The following SIK3 variants were observed in gnomAD, a reference collection of about 807,000 sequenced individuals.
SIK3 encodes the protein SIK family kinase 3, also known as serine/threonine-protein kinase SIK3.
Under a neutral mutation model 144.2 loss-of-function variants are expected in SIK3, and 28 were observed. That is an observed-to-expected ratio of 0.19 (90% CI 0.14 to 0.27). SIK3 has a LOEUF of 0.27. Ranked by LOEUF, SIK3 falls within the 10% of genes least tolerant of loss-of-function variation. The pLI, the probability that SIK3 is intolerant of heterozygous loss-of-function variation, is 1.00. For synonymous variants in SIK3, 686 were observed against 676.3 expected, an observed-to-expected ratio of 1.01 and a Z score of -0.22; for missense variants, 1,319 against 1,776.0, an observed-to-expected ratio of 0.74 and a Z score of 4.62.
In SIK3 at chr11:116,881,683, A is replaced by G. The variant is rs116325560; in HGVS notation, c.866-4641T>C. Among the ~76,000 whole-genome samples, 653 of 152,282 alleles carry G rather than the reference A, an allele frequency of 4.3e-3. 11 individuals are homozygous for G. The highest frequency in any genetic ancestry group is 0.014 in the African/African-American group (593 of 41,550). On this transcript the variant is annotated intron_variant, in intron 6 of 24. Coordinates refer to ENST00000445177, the MANE Select transcript of SIK3 (RefSeq NM_001366686.3). Reference sequence around the variant, plus strand: ...TAATGTCCCTTTGGCATACCAAGAGAGCAAAAATGAGAGAAAGATACATAG... The same window carrying G: ...TAATGTCCCTTTGGCATACCAAGAGGGCAAAAATGAGAGAAAGATACATAG...
At chr11:116,960,552 C>A (rs1307374599) in intron 1 of SIK3, among the ~76,000 whole-genome samples, 3 of 152,060 alleles carry the variant, frequency 2.0e-5, no homozygotes, top group South Asian at 4.1e-4. Context: ...AACAAAAAAA[C>A]CAAAGTGAAG....
chr11:117,014,989 AG>A (rs1469060770), intron 1 of SIK3, among the ~76,000 whole-genome samples: 1 of 152,146 alleles, frequency 6.6e-6, no homozygotes, highest in Non-Finnish European at 1.5e-5. Flanking sequence ...ACTTGAGCCC[AG>A]GAAGTTGAGG....
At chr11:116,926,477 T>C (rs1947280261) in intron 4 of SIK3, among the ~76,000 whole-genome samples, 1 of 152,190 alleles carries the variant, frequency 6.6e-6, no homozygotes, top group South Asian at 2.1e-4. Context: ...TATAAGCCAC[T>C]CTAAGATCTA....
chr11:116,868,228 G>C, intron 14 of SIK3, 139 bp from the exon 15 acceptor site: 1 of 1,105,484 alleles, frequency 9.0e-7, no homozygotes. Flanking sequence ...ACAGATCCCT[G>C]CCTGGATGGA....
chr11:116,909,521 A>G (rs1297857611), intron 4 of SIK3, among the ~76,000 whole-genome samples: 1 of 152,248 alleles, frequency 6.6e-6, no homozygotes, highest in African/African-American at 2.4e-5. Context: ...ACAGATGCTT[A>G]AAGAAAATTT....
At chr11:116,940,213 T>C (rs1403470178) in intron 3 of SIK3, among the ~76,000 whole-genome samples, 1 of 151,864 alleles carries the variant, frequency 6.6e-6, no homozygotes, top group African/African-American at 2.4e-5. Context: ...GGCAAAAATA[T>C]TCCTTTAAGG....
chr11:116,925,553 T>C (rs1008798831), intron 4 of SIK3, among the ~76,000 whole-genome samples: 5 of 152,236 alleles, frequency 3.3e-5, no homozygotes, highest in Admixed American at 6.5e-5. Flanking sequence ...ACTTCTGACC[T>C]CCAGAACTAC....
At chr11:117,044,503 T>C (rs1222178046) in intron 1 of SIK3, among the ~76,000 whole-genome samples, 1 of 151,526 alleles carries the variant, frequency 6.6e-6, no homozygotes, top group Non-Finnish European at 1.5e-5. Flanking sequence ...GATTTAATAA[T>C]ACAAAAACAC....
At chr11:117,063,626 C>A (rs1487704671) in intron 1 of SIK3, among the ~76,000 whole-genome samples, 4 of 150,046 alleles carry the variant, frequency 2.7e-5, no homozygotes, top group African/African-American at 9.9e-5. Flanking sequence ...CACCCTGTTG[C>A]CCAGGCTGGA....
intron 4 of SIK3, among the ~76,000 whole-genome samples, chr11:116,902,496 A>G (rs1484057523): frequency 3.3e-5 from 5 of 152,190 alleles, no homozygotes; most frequent in Non-Finnish European, 7.3e-5. Context: ...AGTGTATGAG[A>G]ATGAATGATA....
intron 1 of SIK3, among the ~76,000 whole-genome samples, chr11:117,030,626 C>G (rs1178500449): frequency 6.6e-6 from 1 of 152,084 alleles, no homozygotes; most frequent in East Asian, 1.9e-4. Context: ...TCTGCTTTAG[C>G]CTTTTTTCCT....
At chr11:117,041,206 AGGAAGTACT>A (rs1433762773) in intron 1 of SIK3, among the ~76,000 whole-genome samples, 1 of 152,196 alleles carries the variant, frequency 6.6e-6, no homozygotes, top group African/African-American at 2.4e-5. Context: ...GGGGGATAGC[AGGAAGTACT>A]GTAAGAGATG....
intron 1 of SIK3, among the ~76,000 whole-genome samples, chr11:117,069,515 CAT>C (rs1954169989): frequency 1.3e-5 from 2 of 152,178 alleles, no homozygotes; most frequent in South Asian, 4.1e-4. Context: ...CCCCAATTAT[CAT>C]ATAAGTTTTT....
At chr11:117,071,026 GC>G (rs1954256047) in intron 1 of SIK3, among the ~76,000 whole-genome samples, 4 of 152,038 alleles carry the variant, frequency 2.6e-5, no homozygotes, top group Admixed American at 2.6e-4. Flanking sequence ...ACTGCGGCCA[GC>G]CCAATACCAT....
intron 1 of SIK3, among the ~76,000 whole-genome samples, chr11:117,094,944 G>GT: frequency 6.6e-6 from 1 of 152,200 alleles, no homozygotes; most frequent in African/African-American, 2.4e-5. Context: ...AAGCACTGCA[G>GT]TGCTGCCAAT....
chr11:117,095,171 T>A (rs923515411), intron 1 of SIK3, among the ~76,000 whole-genome samples: 5 of 145,184 alleles, frequency 3.4e-5, no homozygotes, highest in Admixed American at 7.1e-5. Flanking sequence ...CTCTTAGTTC[T>A]TGGAATGGGT....
chr11:116,872,717 C>G (rs1241869801), intron 13 of SIK3, among the ~76,000 whole-genome samples: 1 of 152,208 alleles, frequency 6.6e-6, no homozygotes, highest in South Asian at 2.1e-4. Context: ...TAAATTTTCA[C>G]TGTTCTAATG....
At chr11:117,013,967 C>CTTTTTTTTTTTTTTTTTTT (rs1951406146) in intron 1 of SIK3, among the ~76,000 whole-genome samples, 1 of 7,372 alleles carries the variant, frequency 1.4e-4, no homozygotes. Context: ...TTCTTTTTTT[C>CTTTTTTTTTTTTTTTTTTT]TTTTCTTTTT....
At chr11:117,080,871 C>G (rs1197145831) in intron 1 of SIK3, among the ~76,000 whole-genome samples, 2 of 152,066 alleles carry the variant, frequency 1.3e-5, no homozygotes, top group African/African-American at 4.8e-5. Context: ...TCACTCGAAT[C>G]TGGGAGGCAG....
Sources: gnomAD v4.1 joint callset for allele counts (sites outside exome capture counted in the v4.1 genomes callset) on GRCh38, gnomAD v4.1.1 for gene constraint, MANE v1.5 for transcripts, NCBI Gene and HGNC (gene_info 2026-07-23, HGNC 2026-07-21) for gene names.